SLC12A6: variants seen among roughly 807,000 people sequenced by gnomAD.
SLC12A6 encodes the protein K-Cl cotransporter 3.
SLC12A6 carries 66 observed loss-of-function variants against 135.3 expected under a neutral mutation model. The ratio of observed to expected loss-of-function variants is 0.49; its 90% CI spans 0.40 to 0.60. The LOEUF is 0.60. Ranked by LOEUF, SLC12A6 falls within the 20% of genes least tolerant of loss-of-function variation. The pLI is 0.00. For synonymous variants in SLC12A6, 513 were observed against 508.8 expected (o/e 1.01, Z -0.11); for missense variants, 1,058 against 1,452.3 (o/e 0.73, Z 4.41).
chr15:34,319,465 G>C (rs8043005), intron 2 of SLC12A6, among the ~76,000 whole-genome samples: 1 of 151,768 alleles, frequency 6.6e-6, no homozygotes, highest in East Asian at 1.9e-4. Flanking sequence ...TTTTTATACT[G>C]TCCTCTTTAA....
chr15:34,241,350 G>T lies in SLC12A6; in HGVS notation c.2163-13C>A. On this transcript the variant is annotated splice_polypyrimidine_tract_variant and intron_variant, in intron 17 of 25. Coordinates refer to ENST00000354181, the MANE Select transcript of SLC12A6 (RefSeq NM_001365088.1). Reference sequence around the variant, plus strand: ...TTCTTTCTCAGCTCTGTGAGAAAAAGAAAAGAGCAGAGACAAATTTAAACT... The same window carrying T: ...TTCTTTCTCAGCTCTGTGAGAAAAATAAAAGAGCAGAGACAAATTTAAACT... 1 of 1,378,906 alleles carries T rather than the reference G, an allele frequency of 7.3e-7. No individual in the cohort carries two copies. The highest frequency in any genetic ancestry group is 1.0e-6 in the Non-Finnish European group (1 of 965,140). 85.4% of individuals were successfully genotyped at this position (1,378,906 alleles called of 1,614,324 possible).
At chr15:34,309,550 CAG>C (rs1888001419) in intron 2 of SLC12A6, among the ~76,000 whole-genome samples, 1 of 152,082 alleles carries the variant, frequency 6.6e-6, no homozygotes, top group Admixed American at 6.6e-5. Flanking sequence ...CCGATGATAA[CAG>C]TGCTCAAATA....
intron 3 of SLC12A6, among the ~76,000 whole-genome samples, chr15:34,262,245 G>A (rs1275649409): frequency 1.3e-5 from 2 of 151,914 alleles, no homozygotes; most frequent in African/African-American, 4.8e-5. Context: ...TTTACACTGT[G>A]TGCCTTTGTT....
intron 2 of SLC12A6, among the ~76,000 whole-genome samples, chr15:34,298,399 C>A (rs1407219716): frequency 6.6e-6 from 1 of 152,030 alleles, no homozygotes; most frequent in African/African-American, 2.4e-5. Context: ...TGCTTGAACC[C>A]GGGAGGCGGA....
chr15:34,279,398 G>A (rs573120084), intron 2 of SLC12A6, among the ~76,000 whole-genome samples: 12 of 152,042 alleles, frequency 7.9e-5, no homozygotes, highest in South Asian at 2.1e-4. Flanking sequence ...ATATAGGCCC[G>A]TGAACCCACT....
rs540806849 is a variant in SLC12A6, at chr15:34,238,310, C to T, written c.2724G>A (p.Glu908=). The T allele has an allele frequency of 6.2e-7, 1 of 1,613,780 alleles. No individual in the cohort carries two copies. The highest frequency in any genetic ancestry group is 1.7e-5 in the Admixed American group (1 of 60,016). ...FFPSNVEQFS[E]GNIDVWWIVH... The stretch of plus-strand genomic sequence containing the variant: ...CAATCCACCACACATCAATGTTGCC[C>T]TCAGAAAATTGCTCCACATTGCTGG... The change falls in exon 21 of 26, where the codon GAG becomes GAA. Residue 908 remains glutamate, a synonymous_variant. Coordinates refer to ENST00000354181, the MANE Select transcript of SLC12A6 (RefSeq NM_001365088.1).
intron 3 of SLC12A6, among the ~76,000 whole-genome samples, chr15:34,273,724 C>T (rs1270478241): frequency 6.6e-6 from 1 of 152,096 alleles, no homozygotes; most frequent in Non-Finnish European, 1.5e-5. Context: ...CAAAATAAGC[C>T]TCAAATCAAA....
At chr15:34,305,335 T>C (rs1896527699) in intron 2 of SLC12A6, among the ~76,000 whole-genome samples, 1 of 152,172 alleles carries the variant, frequency 6.6e-6, no homozygotes, top group African/African-American at 2.4e-5. Flanking sequence ...GGAACTTGTA[T>C]TAGCCATGTT....
intron 12 of SLC12A6, 135 bp downstream of exon 12, chr15:34,250,496 G>C (rs1278368356): frequency 2.4e-6 from 2 of 827,012 alleles, no homozygotes; most frequent in East Asian, 5.0e-5. Flanking sequence ...TTCTATATGA[G>C]GTAGGCAGAT....
chr15:34,265,642 A>T (rs1893459595), intron 3 of SLC12A6, among the ~76,000 whole-genome samples: 1 of 152,082 alleles, frequency 6.6e-6, no homozygotes. Context: ...ACACATGGCC[A>T]TTTTCAAACT....
intron 2 of SLC12A6, among the ~76,000 whole-genome samples, chr15:34,300,309 G>A (rs180865714): frequency 8.2e-4 from 125 of 152,196 alleles, no homozygotes; most frequent in East Asian, 2.9e-3. Context: ...TGAGAATGGA[G>A]GATTGAGGTC....
At chr15:34,248,932 A>T (rs1892193770) in intron 13 of SLC12A6, among the ~76,000 whole-genome samples, 1 of 152,202 alleles carries the variant, frequency 6.6e-6, no homozygotes. Context: ...ATGTGTTTAT[A>T]CGTGGAGACA....
chr15:34,256,379 T>C, intron 6 of SLC12A6, 96 bp from the exon 7 acceptor site: 1 of 829,266 alleles, frequency 1.2e-6, no homozygotes, highest in Non-Finnish European at 2.1e-6. Context: ...TGGCAAACAT[T>C]TAACTCTACC....
intron 2 of SLC12A6, among the ~76,000 whole-genome samples, chr15:34,281,527 C>T (rs1267503107): frequency 6.6e-6 from 1 of 151,998 alleles, no homozygotes; most frequent in African/African-American, 2.4e-5. Context: ...CAGTGGCTCA[C>T]GCCTGTAATC....
intron 2 of SLC12A6, among the ~76,000 whole-genome samples, chr15:34,328,789 G>A (rs1209163964): frequency 3.3e-5 from 5 of 152,116 alleles, no homozygotes; most frequent in Non-Finnish European, 7.4e-5. Flanking sequence ...AGGCTGAGGT[G>A]GGAAGATGGC....
intron 2 of SLC12A6, among the ~76,000 whole-genome samples, chr15:34,319,057 C>T (rs950400051): frequency 3.9e-5 from 6 of 151,920 alleles, no homozygotes; most frequent in African/African-American, 1.5e-4. Flanking sequence ...CTGAAGTTGT[C>T]ATTCTTATCT....
At chr15:34,321,753 G>A (rs1474599514) in intron 2 of SLC12A6, among the ~76,000 whole-genome samples, 1 of 152,148 alleles carries the variant, frequency 6.6e-6, no homozygotes, top group Non-Finnish European at 1.5e-5. Context: ...GTGTGATATA[G>A]TCATACAAAG....
At chr15:34,291,397 C>T (rs1360399486) in intron 2 of SLC12A6, among the ~76,000 whole-genome samples, 1 of 152,190 alleles carries the variant, frequency 6.6e-6, no homozygotes, top group Non-Finnish European at 1.5e-5. Flanking sequence ...TGACCTTTCT[C>T]TCTGGCTGTG....
intron 2 of SLC12A6, among the ~76,000 whole-genome samples, chr15:34,286,821 T>C (rs1057354249): frequency 2.6e-5 from 4 of 152,158 alleles, no homozygotes; most frequent in African/African-American, 4.8e-5. Flanking sequence ...GCATTAATTA[T>C]GCAGCAACCT....
Sources: gnomAD v4.1 joint callset for allele counts (sites outside exome capture counted in the v4.1 genomes callset) on GRCh38, gnomAD v4.1.1 for gene constraint, MANE v1.5 for transcripts, NCBI Gene and HGNC (gene_info 2026-07-23, HGNC 2026-07-21) for gene names.